DPYS: variants seen among roughly 807,000 people sequenced by gnomAD.
The protein encoded by DPYS is dihydropyrimidinase.
A neutral mutation model predicts 50.3 loss-of-function variants in DPYS; 39 were observed. That is an observed-to-expected ratio of 0.78 (90% CI 0.60 to 1.01). DPYS has a LOEUF of 1.01. Ranked by LOEUF, DPYS falls within the 50% of genes least tolerant of loss-of-function variation. DPYS has a pLI of 0.00. For missense variants in DPYS, 659 were observed against 680.9 expected (o/e 0.97, Z 0.36); for synonymous variants, 245 against 250.7 (o/e 0.98, Z 0.22).
chr8:104,429,241 TA>T, intron 5 of DPYS: 1 of 360,218 alleles, frequency 2.8e-6, no homozygotes, highest in South Asian at 3.4e-5. Flanking sequence ...AATATTCTGA[TA>T]AAAAGTAAGG....
intron 1 of DPYS, among the ~76,000 whole-genome samples, chr8:104,466,421 G>T (rs764085638): frequency 6.6e-6 from 1 of 152,186 alleles, no homozygotes; most frequent in Non-Finnish European, 1.5e-5. Flanking sequence ...GGAGTCGAGG[G>T]CATCTGGTTG....
intron 7 of DPYS, among the ~76,000 whole-genome samples, chr8:104,421,653 A>C (rs1033526836): frequency 2.6e-5 from 4 of 152,202 alleles, no homozygotes; most frequent in African/African-American, 9.7e-5. Context: ...AACAAACAAA[A>C]AAGAAATGTG....
intron 9 of DPYS, among the ~76,000 whole-genome samples, 151 bp from the exon 10 acceptor site, chr8:104,379,994 G>A (rs560785384): frequency 4.6e-5 from 7 of 152,068 alleles, no homozygotes; most frequent in East Asian, 1.9e-4. Context: ...GCATTGAATC[G>A]CATTCCTTTC....
chr8:104,399,593 C>T (rs1362602553), intron 7 of DPYS, among the ~76,000 whole-genome samples: 6 of 151,500 alleles, frequency 4.0e-5, no homozygotes, highest in Admixed American at 1.3e-4. Context: ...CCTGCAGCTG[C>T]GTGCGGTTGC....
chr8:104,447,430 T>C lies in DPYS; in HGVS notation c.497A>G (p.Asp166Gly). 1 of 1,614,016 alleles carries C rather than the reference T, an allele frequency of 6.2e-7. No homozygotes were observed. Among genetic ancestry groups the C allele is most frequent in the Non-Finnish European group, 8.5e-7 (1 of 1,179,992 alleles). The change falls in exon 3 of 10, where the codon GAT becomes GGT. Residue 166 changes from aspartate (D) to glycine (G), a missense_variant. Transcript: ENST00000351513. ...NSFKMFMAYK[D>G]LYMVTDLELY... is the part of the protein sequence containing the mutation. Reference sequence around the variant, plus strand: ...CTCCAGGTCTGTCACCATGTACAGATCTTTATAGGCCATAAACATCTTGAA... The same window carrying C: ...CTCCAGGTCTGTCACCATGTACAGACCTTTATAGGCCATAAACATCTTGAA...
intron 7 of DPYS, among the ~76,000 whole-genome samples, chr8:104,414,451 G>T (rs1812300449): frequency 1.3e-5 from 2 of 152,030 alleles, no homozygotes; most frequent in South Asian, 2.1e-4. Context: ...ATTCCCAGAT[G>T]ATGTTGATGT....
intron 8 of DPYS, among the ~76,000 whole-genome samples, chr8:104,390,414 A>G (rs1025891305): frequency 1.4e-4 from 22 of 152,254 alleles, no homozygotes; most frequent in African/African-American, 4.8e-4. Flanking sequence ...TCATATAAGC[A>G]GGGTTTATGT....
At chr8:104,383,031 C>T (rs1564076292) in intron 8 of DPYS, among the ~76,000 whole-genome samples, 1 of 152,192 alleles carries the variant, frequency 6.6e-6, no homozygotes, top group Non-Finnish European at 1.5e-5. Context: ...AACTGACTGC[C>T]CATGCCAGTG....
chr8:104,381,675 T>C (rs1811045815), intron 8 of DPYS, among the ~76,000 whole-genome samples: 1 of 152,166 alleles, frequency 6.6e-6, no homozygotes, highest in Non-Finnish European at 1.5e-5. Context: ...TTTGTACCTC[T>C]CCTAACACTC....
At chr8:104,454,686 A>C (rs1813864852) in intron 1 of DPYS, among the ~76,000 whole-genome samples, 1 of 152,256 alleles carries the variant, frequency 6.6e-6, no homozygotes, top group Admixed American at 6.5e-5. Flanking sequence ...ACAGGTAGCA[A>C]GTCTACTTTT....
intron 7 of DPYS, among the ~76,000 whole-genome samples, chr8:104,397,723 C>A (rs999188290): frequency 6.6e-6 from 1 of 152,104 alleles, no homozygotes; most frequent in Admixed American, 6.5e-5. Context: ...ACTCCATTTC[C>A]AAGATGATAA....
rs929639864 is a variant in DPYS, at chr8:104,379,522, A to C, written c.*336T>G. Reference sequence around the variant, plus strand: ...AATGTAACCATTTTTTTAAAAAAAGAAACTATTTAAACAAGAAAATGATTT... The same window carrying C: ...AATGTAACCATTTTTTTAAAAAAAGCAACTATTTAAACAAGAAAATGATTT... On this transcript the variant is annotated 3_prime_UTR_variant, in exon 10 of 10. Coordinates refer to ENST00000351513, the MANE Select transcript of DPYS (RefSeq NM_001385.3). 11 of 169,654 alleles carry C rather than the reference A, an allele frequency of 6.5e-5. No homozygotes were observed. Among genetic ancestry groups the C allele is most frequent in the Admixed American group, 2.4e-4 (4 of 16,618 alleles). 10.5% of individuals were successfully genotyped at this position (169,654 alleles called of 1,614,324 possible).
At chr8:104,399,884 A>AAAAAAC in intron 7 of DPYS, among the ~76,000 whole-genome samples, 1 of 151,186 alleles carries the variant, frequency 6.6e-6, no homozygotes, top group African/African-American at 2.4e-5. Context: ...AAAAAAAAAA[A>AAAAAAC]AAAAAAGAAA....
chr8:104,436,639 A>G (rs1296573465), intron 4 of DPYS, among the ~76,000 whole-genome samples: 3 of 152,094 alleles, frequency 2.0e-5, no homozygotes, highest in Non-Finnish European at 4.4e-5. Flanking sequence ...TGAACTAGAA[A>G]GAAACAGAGT....
intron 7 of DPYS, among the ~76,000 whole-genome samples, chr8:104,397,311 G>C (rs1353928291): frequency 1.3e-5 from 2 of 152,156 alleles, no homozygotes. Context: ...TTCCTACTTG[G>C]TACACACTTT....
At chr8:104,396,261 T>G (rs1196684741) in intron 7 of DPYS, among the ~76,000 whole-genome samples, 1 of 152,182 alleles carries the variant, frequency 6.6e-6, no homozygotes, top group Non-Finnish European at 1.5e-5. Context: ...GCATACTATA[T>G]AAAGAAGATT....
chr8:104,466,126 G>A (rs1283072230), intron 1 of DPYS, among the ~76,000 whole-genome samples: 5 of 152,142 alleles, frequency 3.3e-5, no homozygotes, highest in Admixed American at 3.3e-4. Flanking sequence ...AGCCTACTCA[G>A]ACACATTACC....
intron 4 of DPYS, among the ~76,000 whole-genome samples, chr8:104,442,385 G>A (rs1055765607): frequency 1.3e-5 from 2 of 152,182 alleles, no homozygotes; most frequent in African/African-American, 4.8e-5. Flanking sequence ...TGGGTTAGAA[G>A]TGAAAATTTC....
chr8:104,466,924 G>A lies in DPYS; in HGVS notation c.-4C>T, dbSNP rs1448764583. ...GGAGCCGCGAGGGCGCCGCCATAGC[G>A]AGGGGCGCGCGGGGTCCTACTCGGC... On this transcript the variant is annotated 5_prime_UTR_variant, in exon 1 of 10. Coordinates refer to ENST00000351513, the MANE Select transcript of DPYS (RefSeq NM_001385.3). 2 of 1,475,706 alleles carry A rather than the reference G, an allele frequency of 1.4e-6. No individual in the cohort carries two copies. Among genetic ancestry groups the A allele is most frequent in the Non-Finnish European group, 1.8e-6 (2 of 1,120,322 alleles). The allele number at this position is 1,475,706 out of a possible 1,614,324, so 91.4% of individuals were successfully genotyped here.
Sources: allele counts gnomAD v4.1 joint callset (sites outside exome capture counted in the v4.1 genomes callset), GRCh38; gene constraint gnomAD v4.1.1; transcripts MANE v1.5; gene names NCBI Gene and HGNC (gene_info 2026-07-23, HGNC 2026-07-21).